The following CACNA1E variants were observed in gnomAD, a reference collection of about 807,000 sequenced individuals.
The protein encoded by CACNA1E is voltage-dependent R-type calcium channel subunit alpha-1E.
CACNA1E carries 40 observed loss-of-function variants against 259.2 expected under a neutral mutation model. The observed-to-expected ratio is 0.15, with a 90% CI of 0.12 to 0.20. CACNA1E has a LOEUF of 0.20. CACNA1E is among the 10% of genes least tolerant of loss of function. The probability of loss-of-function intolerance (pLI) is 1.00; values close to 1 mark genes in which losing one functional copy is unlikely to be tolerated. For synonymous variants in CACNA1E, 1,104 were observed against 1,138.5 expected, an observed-to-expected ratio of 0.97 and a Z score of 0.61; for missense variants, 1,874 against 3,040.1, an observed-to-expected ratio of 0.62 and a Z score of 9.02.
chr1:181,563,198 A>G (rs975649768), intron 3 of CACNA1E, among the ~76,000 whole-genome samples: 5 of 152,234 alleles, frequency 3.3e-5, no homozygotes, highest in Admixed American at 3.3e-4. Context: ...AAGTATGGGG[A>G]ACTGGGTATT....
chr1:181,690,345 T>C (rs1482094965), intron 7 of CACNA1E, among the ~76,000 whole-genome samples: 1 of 152,202 alleles, frequency 6.6e-6, no homozygotes, highest in Non-Finnish European at 1.5e-5. Flanking sequence ...ATATCTGTTT[T>C]GGTACCAGTA....
At chr1:181,598,259 C>T (rs1219171001) in intron 6 of CACNA1E, among the ~76,000 whole-genome samples, 2 of 152,214 alleles carry the variant, frequency 1.3e-5, no homozygotes, top group Non-Finnish European at 2.9e-5. Flanking sequence ...AGAGCTTTTG[C>T]TCCTGCCCTC....
intron 1 of CACNA1E, among the ~76,000 whole-genome samples, chr1:181,407,608 G>A (rs1321116368): frequency 6.6e-6 from 1 of 152,192 alleles, no homozygotes; most frequent in Non-Finnish European, 1.5e-5. Context: ...ATTGAGAAGT[G>A]CGGTCTTAGG....
chr1:181,743,602 G>C (rs1332985058), intron 25 of CACNA1E, among the ~76,000 whole-genome samples: 2 of 152,184 alleles, frequency 1.3e-5, no homozygotes, highest in East Asian at 3.9e-4. Context: ...TTCATGTCTA[G>C]TGAAGTGACT....
At chr1:181,448,317 A>C (rs1660925384) in intron 2 of CACNA1E, among the ~76,000 whole-genome samples, 2 of 152,212 alleles carry the variant, frequency 1.3e-5, no homozygotes, top group South Asian at 4.1e-4. Flanking sequence ...CTAACATCTC[A>C]ACAACCAGAT....
chr1:181,460,038 T>C (rs1231428465), intron 2 of CACNA1E, among the ~76,000 whole-genome samples: 1 of 152,206 alleles, frequency 6.6e-6, no homozygotes, highest in Non-Finnish European at 1.5e-5. Context: ...TGCGTTTGCA[T>C]ACCTTAATAA....
In CACNA1E at chr1:181,371,578, T is replaced by C. The variant is rs1470111647; in HGVS notation, c.-14-41555T>C. ...TGAACCACTGCATCTGGCCAGAAGC[T>C]CTTTAGTTTAATTAGGTCCTACTTA... On this transcript the variant is annotated intron_variant, in intron 1 of 11. Transcript: ENST00000524607. 2.0e-5 allele frequency among the ~76,000 whole-genome samples: 3 copies of C among 152,204 alleles called. 1 individual carries two copies. Among genetic ancestry groups the C allele is most frequent in the Non-Finnish European group, 4.4e-5 (3 of 68,032 alleles).
At chr1:181,643,088 C>T (rs1657946228) in intron 6 of CACNA1E, among the ~76,000 whole-genome samples, 1 of 152,040 alleles carries the variant, frequency 6.6e-6, no homozygotes, top group Admixed American at 6.6e-5. Flanking sequence ...ACCCATGACC[C>T]AGAACTATTT....
chr1:181,428,247 C>A (rs578218321), intron 2 of CACNA1E, among the ~76,000 whole-genome samples: 1 of 152,250 alleles, frequency 6.6e-6, no homozygotes, highest in East Asian at 1.9e-4. Context: ...TCTCTCTGGC[C>A]CCACTGGAGA....
chr1:181,598,226 C>T (rs774061436), intron 6 of CACNA1E, among the ~76,000 whole-genome samples: 8 of 152,150 alleles, frequency 5.3e-5, no homozygotes, highest in South Asian at 2.1e-4. Flanking sequence ...TACCAGGGCC[C>T]GTGTTAGGCA....
intron 3 of CACNA1E, among the ~76,000 whole-genome samples, chr1:181,520,463 C>T (rs1279511962): frequency 1.3e-5 from 2 of 151,902 alleles, no homozygotes; most frequent in Non-Finnish European, 2.9e-5. Context: ...AAAAAACCAG[C>T]ATATAAAAAT....
rs146739762 is a variant in CACNA1E, at chr1:181,455,412, G to A, written c.435-28332G>A. 2.3e-3 allele frequency among the ~76,000 whole-genome samples: 357 copies of A among 152,318 alleles called. 2 individuals are homozygous for A. Among genetic ancestry groups the A allele is most frequent in the African/African-American group, 8.2e-3 (342 of 41,566 alleles). ...GTTTGGGGAGGCTTCCTCTTGAGAG[G>A]ATAACGTGAGAAGAGCCTTGGGAGC... On this transcript the variant is annotated intron_variant, in intron 2 of 11. Coordinates refer to the CACNA1E transcript ENST00000524607.
At chr1:181,627,911 G>T (rs199941) in intron 6 of CACNA1E, among the ~76,000 whole-genome samples, 115,831 of 152,112 alleles carry the variant, frequency 0.76, 45,269 homozygotes, top group East Asian at 0.94. Flanking sequence ...AGTATTAAAG[G>T]GAAGTAATTA....
intron 1 of CACNA1E, among the ~76,000 whole-genome samples, chr1:181,494,320 T>G (rs544921121): frequency 6.6e-5 from 10 of 152,004 alleles, no homozygotes; most frequent in Admixed American, 2.6e-4. Flanking sequence ...AGTGGTGTTT[T>G]TTTTTTTTTT....
At chr1:181,528,970 G>C (rs1230544702) in intron 3 of CACNA1E, among the ~76,000 whole-genome samples, 1 of 152,236 alleles carries the variant, frequency 6.6e-6, no homozygotes, top group Non-Finnish European at 1.5e-5. Context: ...AAGTAGCAAG[G>C]AGCCTAATGT....
At chr1:181,404,144 G>C (rs981369700) in intron 1 of CACNA1E, among the ~76,000 whole-genome samples, 2 of 152,208 alleles carry the variant, frequency 1.3e-5, no homozygotes, top group Admixed American at 1.3e-4. Flanking sequence ...ATTAGAACCT[G>C]CTATGGAGCT....
chr1:181,684,610 A>G (rs1176551751), intron 7 of CACNA1E, among the ~76,000 whole-genome samples: 2 of 151,988 alleles, frequency 1.3e-5, no homozygotes, highest in African/African-American at 4.8e-5. Context: ...CATAGTTTTA[A>G]GTTTTTCATT....
chr1:181,403,358 C>A (rs745518305), intron 1 of CACNA1E, among the ~76,000 whole-genome samples: 5 of 151,292 alleles, frequency 3.3e-5, no homozygotes, highest in Admixed American at 2.6e-4. Context: ...TCTAGTATGA[C>A]CCCTCATCCT....
At chr1:181,669,430 T>C (rs890661454) in intron 7 of CACNA1E, among the ~76,000 whole-genome samples, 1 of 152,190 alleles carries the variant, frequency 6.6e-6, no homozygotes, top group African/African-American at 2.4e-5. Context: ...CCACAGCCAC[T>C]TCCACCCACT....
Sources: gnomAD v4.1 joint callset for allele counts (sites outside exome capture counted in the v4.1 genomes callset) on GRCh38, gnomAD v4.1.1 for gene constraint, MANE v1.5 for transcripts, NCBI Gene and HGNC (gene_info 2026-07-23, HGNC 2026-07-21) for gene names.